The following DNAH17 variants were observed in gnomAD, a reference collection of about 807,000 sequenced individuals.
The protein encoded by DNAH17 is axonemal beta dynein heavy chain 17.
DNAH17 carries 376 observed loss-of-function variants against 485.6 expected under a neutral mutation model. The ratio of observed to expected loss-of-function variants is 0.77; its 90% CI spans 0.71 to 0.84. The LOEUF is 0.84. Ranked by LOEUF, DNAH17 falls within the 40% of genes least tolerant of loss-of-function variation. The probability of loss-of-function intolerance (pLI) is 0.00; values close to 1 mark genes in which losing one functional copy is unlikely to be tolerated. For synonymous variants in DNAH17, 3,031 were observed against 2,405.9 expected (o/e 1.26, Z -7.60); for missense variants, 6,370 against 5,839.3 (o/e 1.09, Z -2.96).
rs537432504 is a variant in DNAH17, at chr17:78,459,085, C to T, written c.9777G>A (p.Ala3259=). The T allele has an allele frequency of 4.5e-5, 72 of 1,613,912 alleles. No individual in the cohort carries two copies. The highest frequency in any genetic ancestry group is 2.5e-4 in the South Asian group (23 of 91,092). The part of the protein sequence containing the change: ...VRFYEVYCDV[A]PKRQALEEAN... ...CCTCCTCCAGTGCCTGCCTCTTGGG[C>T]GCCACGTCGCAGTAGACCTCGTAGA... is the stretch of plus-strand genomic sequence containing the variant. Residue 3259 remains alanine (A), a synonymous_variant, in exon 61 of 81, where the codon GCG becomes GCA. Transcript: ENST00000389840.
chr17:78,427,261 G>GCAGC, intron 77 of DNAH17, 153 bp from the exon 78 acceptor site: 1 of 701,966 alleles, frequency 1.4e-6, no homozygotes, highest in South Asian at 1.8e-5. Context: ...GGTCATGGGT[G>GCAGC]CAGCCACACA....
intron 12 of DNAH17, 80 bp downstream of exon 12, chr17:78,561,635 G>C: frequency 3.1e-5 from 45 of 1,452,686 alleles, no homozygotes; most frequent in Non-Finnish European, 4.1e-5. Flanking sequence ...GGGTGGTCCC[G>C]CTCGGGGTTG....
intron 16 of DNAH17, among the ~76,000 whole-genome samples, chr17:78,547,605 T>C (rs924651014): frequency 6.9e-6 from 1 of 144,616 alleles, no homozygotes; most frequent in African/African-American, 2.6e-5. Flanking sequence ...TATTACATCT[T>C]TGTTCATTAC....
intron 75 of DNAH17, among the ~76,000 whole-genome samples, chr17:78,432,001 G>A (rs978590670): frequency 6.6e-6 from 1 of 151,782 alleles, no homozygotes; most frequent in Non-Finnish European, 1.5e-5. Context: ...GTAAAACCCC[G>A]TCTTTACAGA....
rs61199521 is a variant in DNAH17, at chr17:78,479,058, G to A, written c.7959C>T (p.Val2653=). 6,079 of 1,613,988 alleles carry A rather than the reference G, an allele frequency of 3.8e-3. 186 individuals carry two copies. The African/African-American group carries it at 0.069, about 18-fold the overall frequency. The change falls in exon 51 of 81, where the codon GTC becomes GTT. Residue 2653 remains valine, a synonymous_variant. Transcript: ENST00000389840. Reference sequence around the variant, plus strand: ...TATTGGAGAGGTCCCTGAGGTTGAAGACATAATGAAACTTAATGGCCGTGG... The same window carrying A: ...TATTGGAGAGGTCCCTGAGGTTGAAAACATAATGAAACTTAATGGCCGTGG... ...FLPTAIKFHY[V]FNLRDLSNIF...
At chr17:78,489,159 C>T (rs867495625) in intron 44 of DNAH17, among the ~76,000 whole-genome samples, 8 of 152,306 alleles carry the variant, frequency 5.3e-5, no homozygotes, top group African/African-American at 1.9e-4. Context: ...CTTGGTATCC[C>T]TCTCAAACCC....
At chr17:78,555,687 C>T (rs1288435542) in intron 14 of DNAH17, among the ~76,000 whole-genome samples, 1 of 151,950 alleles carries the variant, frequency 6.6e-6, no homozygotes. Flanking sequence ...GACTGTGCCA[C>T]AGGGTGCCCA....
At chr17:78,457,657 CTTTTTTTTTTT>C (rs71160297) in intron 62 of DNAH17, among the ~76,000 whole-genome samples, 43 of 66,786 alleles carry the variant, frequency 6.4e-4, no homozygotes, top group African/African-American at 2.1e-3. Flanking sequence ...CCGTGCCTGG[CTTTTTTTTTTT>C]TTTTTTTTTT....
intron 14 of DNAH17, among the ~76,000 whole-genome samples, chr17:78,554,473 G>GAAAAAAAAAAAAT (rs1568246690): frequency 8.0e-6 from 1 of 124,752 alleles, no homozygotes; most frequent in Non-Finnish European, 1.6e-5. Context: ...AAAAAAAAAG[G>GAAAAAAAAAAAAT]ATAGGTTCTA....
In DNAH17 at chr17:78,570,369, G is replaced by C; in HGVS notation, c.922C>G (p.Pro308Ala). 1 of 1,610,082 alleles carries C rather than the reference G, an allele frequency of 6.2e-7. No homozygotes were observed. Among genetic ancestry groups the C allele is most frequent in the Non-Finnish European group, 8.5e-7 (1 of 1,178,740 alleles). ...EMEQADFTML[P>A]TFIAKVLDTI... ...TCCAGCACCTTGGCAATGAAGGTGG[G>C]GAGCTGGGGGGAGACAGGCCCAGGC... The change falls in exon 7 of 81, where the codon CCC becomes GCC. Residue 308 changes from proline (P) to alanine (A), a missense_variant. Physicochemically the swap from Pro to Ala is conservative, Grantham distance 27. Coordinates refer to ENST00000389840, the MANE Select transcript of DNAH17 (RefSeq NM_173628.4).
Position 78,500,287 on chromosome 17 carries a change from C to T in DNAH17, c.5640+18G>A, listed in dbSNP as rs372787048. 29 of 1,601,342 alleles carry T rather than the reference C, an allele frequency of 1.8e-5. No individual in the cohort carries two copies. Among genetic ancestry groups the T allele is most frequent in the East Asian group, 4.5e-5 (2 of 44,188 alleles). On this transcript the variant is annotated intron_variant, in intron 36 of 80. Transcript: ENST00000389840. ...AAAAGAAGACTCTGGGTCCCTCCTCCGGACCCCGGCCGCGTACCTTGTAGT... is the reference window on the plus strand; with the variant it reads ...AAAAGAAGACTCTGGGTCCCTCCTCTGGACCCCGGCCGCGTACCTTGTAGT...
In DNAH17 at chr17:78,538,340, G is replaced by T. The variant is rs118154098; in HGVS notation, c.2677-859C>A. Reference sequence around the variant, plus strand: ...CTGCAGGGCTGCAGGTGCTGCTCTGGTTTACAGTGATGGGATTGAGAACCC... The same window carrying T: ...CTGCAGGGCTGCAGGTGCTGCTCTGTTTTACAGTGATGGGATTGAGAACCC... On this transcript the variant is annotated intron_variant, in intron 18 of 80. Transcript: ENST00000389840. Among the ~76,000 whole-genome samples, 696 of 152,196 alleles carry T rather than the reference G, an allele frequency of 4.6e-3. 5 individuals are homozygous for T. Among genetic ancestry groups the T allele is most frequent in the Non-Finnish European group, 7.9e-3 (540 of 67,998 alleles).
chr17:78,458,570 C>G lies in DNAH17; in HGVS notation c.9972G>C (p.Ala3324=), dbSNP rs1198992662. 2 of 1,613,634 alleles carry G rather than the reference C, an allele frequency of 1.2e-6. No homozygotes were observed. The highest frequency in any genetic ancestry group is 8.5e-7 in the Non-Finnish European group (1 of 1,179,630). The change falls in exon 62 of 81, where the codon GCG becomes GCC. Residue 3324 remains alanine, a synonymous_variant. Coordinates refer to ENST00000389840, the MANE Select transcript of DNAH17 (RefSeq NM_173628.4). ...TCTCGGGGAGGAGCTGATACCTGTT[C>G]GCCAGTAAGATCACCCTGTTCGTGG... The part of the protein sequence containing the change: ...ADATNRVILL[A]NRLVGGLASE...
At chr17:78,538,449 C>G (rs1189894637) in intron 18 of DNAH17, among the ~76,000 whole-genome samples, 1 of 152,202 alleles carries the variant, frequency 6.6e-6, no homozygotes, top group Non-Finnish European at 1.5e-5. Flanking sequence ...GGCCACTGAT[C>G]TCCCCCTGAA....
At position 78,561,726 on chromosome 17, in the gene DNAH17, G is replaced by A. The variant is rs138390056; in HGVS notation, c.1824C>T (p.His608=). 1.7e-4 allele frequency: 275 copies of A among 1,607,692 alleles called. No individual in the cohort carries two copies. The highest frequency in any genetic ancestry group is 1.5e-3 in the African/African-American group (111 of 74,938). ...RLEVSMKHLK[H]VEHPVMSGAE... ...GGGCTGTGACTCACGGGTGTTCGAC[G>A]TGCTTCAGGTGTTTCATGGACACCT... Residue 608 remains histidine, a synonymous_variant, in exon 12 of 81, where the codon CAC becomes CAT. Coordinates refer to ENST00000389840, the MANE Select transcript of DNAH17 (RefSeq NM_173628.4).
In DNAH17 at chr17:78,468,898, G is replaced by A. The variant is rs754591938; in HGVS notation, c.8512-15C>T. 1 of 1,608,496 alleles carries A rather than the reference G, an allele frequency of 6.2e-7. No homozygotes were observed. The highest frequency in any genetic ancestry group is 1.1e-5 in the South Asian group (1 of 90,724). Reference sequence around the variant, plus strand: ...GCGAGGTCAATCTGGACGGAGTGAGGACACGCTTAGGGGCCTTGGTAAAAA... The same window carrying A: ...GCGAGGTCAATCTGGACGGAGTGAGAACACGCTTAGGGGCCTTGGTAAAAA... On this transcript the variant is annotated splice_polypyrimidine_tract_variant and intron_variant, in intron 54 of 80. Transcript: ENST00000389840.
At chr17:78,441,341 G>A (rs1323868573) in intron 71 of DNAH17, 142 bp from the exon 72 acceptor site, 3 of 936,902 alleles carry the variant, frequency 3.2e-6, no homozygotes, top group Non-Finnish European at 3.1e-6. Flanking sequence ...CAGGAGAGCA[G>A]AGTCTTTACC....
At chr17:78,518,690 G>C (rs1319872931) in intron 25 of DNAH17, among the ~76,000 whole-genome samples, 2 of 152,140 alleles carry the variant, frequency 1.3e-5, no homozygotes. Context: ...AACAGAAGCA[G>C]AATACGCATT....
At chr17:78,450,467 G>T in intron 67 of DNAH17, 73 bp from the exon 68 acceptor site, 2 of 1,578,178 alleles carry the variant, frequency 1.3e-6, no homozygotes, top group Non-Finnish European at 8.6e-7. Context: ...CTCATTCCCA[G>T]CCACCAGCCT....
Sources: gnomAD v4.1 joint callset for allele counts (sites outside exome capture counted in the v4.1 genomes callset) on GRCh38, gnomAD v4.1.1 for gene constraint, MANE v1.5 for transcripts, NCBI Gene and HGNC (gene_info 2026-07-23, HGNC 2026-07-21) for gene names.